INSYN2B: variants seen among roughly 807,000 people sequenced by gnomAD.
The protein encoded by INSYN2B is inhibitory synaptic factor family member 2B.
INSYN2B carries 16 observed loss-of-function variants against 41.2 expected under a neutral mutation model. The observed-to-expected ratio is 0.39, with a 90% confidence interval of 0.26 to 0.59. The LOEUF (loss-of-function observed/expected upper bound fraction) is 0.59. INSYN2B is among the 20% of genes least tolerant of loss of function. The probability of loss-of-function intolerance (pLI) is 0.57; values close to 1 mark genes in which losing one functional copy is unlikely to be tolerated. For missense variants in INSYN2B, 608 were observed against 646.4 expected, an observed-to-expected ratio of 0.94 and a Z score of 0.64; for synonymous variants, 245 against 244.4, an observed-to-expected ratio of 1.00 and a Z score of -0.02.
At chr5:169,892,464 T>C (rs1236349542) in intron 1 of INSYN2B, among the ~76,000 whole-genome samples, 1 of 152,226 alleles carries the variant, frequency 6.6e-6, no homozygotes, top group Non-Finnish European at 1.5e-5. Context: ...TCTTCTCCAG[T>C]ACACCAGTGA....
In INSYN2B at chr5:169,949,741, A is replaced by G. The variant is rs1174650943; in HGVS notation, c.-919+30536T>C. On this transcript the variant is annotated intron_variant, in intron 1 of 3. Coordinates refer to ENST00000377365, the MANE Select transcript of INSYN2B (RefSeq NM_001129891.3). Reference sequence around the variant, plus strand: ...ACAGAGTAGGAGAGTTTCTGAGTGTACACAGAGGTGTAGCATTTCAGATTC... The same window carrying G: ...ACAGAGTAGGAGAGTTTCTGAGTGTGCACAGAGGTGTAGCATTTCAGATTC... Among the ~76,000 whole-genome samples, 4 of 114,740 alleles carry G rather than the reference A, an allele frequency of 3.5e-5. 1 individual carries two copies. The highest frequency in any genetic ancestry group is 7.3e-5 in the Non-Finnish European group (4 of 54,730). 75.3% of individuals were successfully genotyped at this position (114,740 alleles called of 152,430 possible).
chr5:169,864,215 A>T lies in INSYN2B; in HGVS notation c.*58T>A. Reference sequence around the variant, plus strand: ...GCAGGGCAGGCCTTAAGTGCAGTGGATTTCCCATCTCAGGGAAGTGCGTGG... The same window carrying T: ...GCAGGGCAGGCCTTAAGTGCAGTGGTTTTCCCATCTCAGGGAAGTGCGTGG... On this transcript the variant is annotated 3_prime_UTR_variant, in exon 4 of 4. Transcript: ENST00000377365. 7.0e-7 allele frequency: 1 copy of T among 1,435,986 alleles called. No homozygotes were observed. The highest frequency in any genetic ancestry group is 9.6e-7 in the Non-Finnish European group (1 of 1,042,324). The allele number at this position is 1,435,986 out of a possible 1,614,324, so 89.0% of individuals were successfully genotyped here.
intron 1 of INSYN2B, among the ~76,000 whole-genome samples, chr5:169,958,285 C>A (rs537695715): frequency 3.2e-4 from 49 of 152,062 alleles, no homozygotes; most frequent in Non-Finnish European, 6.0e-4. Context: ...TAATAAGAAG[C>A]TTATGAATCT....
intron 1 of INSYN2B, among the ~76,000 whole-genome samples, chr5:169,887,523 C>A (rs1773042058): frequency 6.6e-6 from 1 of 152,306 alleles, no homozygotes; most frequent in East Asian, 1.9e-4. Context: ...GTTCACTGAA[C>A]AACCTGGAGA....
At chr5:169,919,197 A>G (rs1477987516) in intron 1 of INSYN2B, among the ~76,000 whole-genome samples, 3 of 152,188 alleles carry the variant, frequency 2.0e-5, no homozygotes, top group African/African-American at 7.2e-5. Context: ...ATTGTTTTGA[A>G]TTGAAGTAAC....
At chr5:169,959,387 G>T (rs1221025226) in intron 1 of INSYN2B, among the ~76,000 whole-genome samples, 1 of 151,510 alleles carries the variant, frequency 6.6e-6, no homozygotes, top group South Asian at 2.1e-4. Flanking sequence ...AAAAAAAAAG[G>T]AACAAACTAT....
At chr5:169,904,533 G>A (rs1025325421) in intron 1 of INSYN2B, among the ~76,000 whole-genome samples, 2 of 152,038 alleles carry the variant, frequency 1.3e-5, no homozygotes, top group African/African-American at 4.8e-5. Flanking sequence ...GTGGGAAGGG[G>A]TTGGCAGAGA....
intron 1 of INSYN2B, among the ~76,000 whole-genome samples, chr5:169,915,646 G>A (rs1320540399): frequency 6.6e-6 from 1 of 151,386 alleles, no homozygotes; most frequent in East Asian, 1.9e-4. Context: ...GACAGAGACT[G>A]AACAGATTAT....
chr5:169,944,521 A>C (rs1776370291), intron 1 of INSYN2B, among the ~76,000 whole-genome samples: 1 of 152,230 alleles, frequency 6.6e-6, no homozygotes, highest in African/African-American at 2.4e-5. Context: ...AGTGAATACC[A>C]GGGAGGCTTT....
intron 3 of INSYN2B, among the ~76,000 whole-genome samples, chr5:169,871,154 C>T (rs1299688358): frequency 1.3e-5 from 2 of 152,194 alleles, no homozygotes; most frequent in Non-Finnish European, 2.9e-5. Context: ...CTCCAAATAT[C>T]ATCACATGGG....
intron 1 of INSYN2B, among the ~76,000 whole-genome samples, chr5:169,921,896 G>A (rs1022348496): frequency 6.6e-5 from 10 of 152,180 alleles, no homozygotes; most frequent in Non-Finnish European, 1.2e-4. Flanking sequence ...AAATAATACT[G>A]TGATAGCCCC....
chr5:169,892,310 A>G (rs1343569215), intron 1 of INSYN2B, among the ~76,000 whole-genome samples: 2 of 152,246 alleles, frequency 1.3e-5, no homozygotes, highest in Non-Finnish European at 2.9e-5. Flanking sequence ...AAATGCTTCA[A>G]GAAGAACAAA....
At chr5:169,924,011 T>A (rs1489193489) in intron 1 of INSYN2B, among the ~76,000 whole-genome samples, 1 of 152,208 alleles carries the variant, frequency 6.6e-6, no homozygotes, top group Non-Finnish European at 1.5e-5. Flanking sequence ...AGGTGGAGGC[T>A]TTGTGTTTGC....
At chr5:169,881,723 A>AT (rs1265166278) in intron 2 of INSYN2B, among the ~76,000 whole-genome samples, 27 of 152,192 alleles carry the variant, frequency 1.8e-4, no homozygotes, top group Non-Finnish European at 1.0e-4. Context: ...AAGGGAGGTT[A>AT]TTAAAACTCC....
At chr5:169,907,354 C>G (rs1774340334) in intron 1 of INSYN2B, among the ~76,000 whole-genome samples, 1 of 152,206 alleles carries the variant, frequency 6.6e-6, no homozygotes, top group African/African-American at 2.4e-5. Context: ...TAGAAGGGAG[C>G]TCTTGGAAAG....
intron 1 of INSYN2B, among the ~76,000 whole-genome samples, chr5:169,946,824 G>A (rs1432410855): frequency 1.3e-5 from 2 of 152,218 alleles, no homozygotes; most frequent in Non-Finnish European, 2.9e-5. Flanking sequence ...AACTGGGTGG[G>A]CAGTGACATG....
intron 1 of INSYN2B, among the ~76,000 whole-genome samples, chr5:169,961,996 T>G (rs77017012): frequency 6.0e-3 from 346 of 57,608 alleles, no homozygotes; most frequent in African/African-American, 9.1e-3. Context: ...AAAAAAAAAA[T>G]GGAGAAAAAG....
chr5:169,972,586 T>TGATAGATA (rs1554122914), intron 1 of INSYN2B, among the ~76,000 whole-genome samples: 225 of 69,026 alleles, frequency 3.3e-3, no homozygotes, highest in Admixed American at 4.2e-3. Context: ...GATAGATAGA[T>TGATAGATA]GATAGATAGA....
chr5:169,980,022 C>CT (rs35053556), intron 1 of INSYN2B, among the ~76,000 whole-genome samples: 2 of 152,028 alleles, frequency 1.3e-5, no homozygotes, highest in African/African-American at 2.4e-5. Context: ...TTTTTCTTTG[C>CT]TTTTTTTCCC....
Sources: allele counts gnomAD v4.1 joint callset (sites outside exome capture counted in the v4.1 genomes callset), GRCh38; gene constraint gnomAD v4.1.1; transcripts MANE v1.5; gene names NCBI Gene and HGNC (gene_info 2026-07-23, HGNC 2026-07-21).